Variants in ADAM22 observed in about 807,000 individuals in gnomAD.
The protein encoded by ADAM22 is disintegrin and metalloproteinase domain-containing protein 22.
Under a neutral mutation model 144.6 loss-of-function variants are expected in ADAM22, and 65 were observed. The ratio of observed to expected loss-of-function variants is 0.45; its 90% confidence interval spans 0.37 to 0.55. ADAM22 has a LOEUF of 0.55. Among genes scored for constraint, ADAM22 ranks in the 20% least tolerant of loss-of-function variants. The pLI, the probability that ADAM22 is intolerant of heterozygous loss-of-function variation, is 0.00. For synonymous variants in ADAM22, 391 were observed against 412.6 expected, an observed-to-expected ratio of 0.95 and a Z score of 0.63; for missense variants, 974 against 1,184.9, an observed-to-expected ratio of 0.82 and a Z score of 2.61.
At chr7:88,035,439 G>A (rs1206070566) in intron 3 of ADAM22, among the ~76,000 whole-genome samples, 2 of 152,190 alleles carry the variant, frequency 1.3e-5, no homozygotes, top group Admixed American at 6.5e-5. Flanking sequence ...ATCAGAGTAA[G>A]CAGATAAGGT....
rs2299192 is a variant in ADAM22 at position 87,979,155 on chromosome 7, A to C, written c.323+743A>C. On this transcript the variant is annotated intron_variant, in intron 3 of 31. Transcript: ENST00000413139. ...AATTGGGCTATAGTTTTCTGGAAGC[A>C]TTTCTACAACAGGAAGAAAGTCTGA... 2.6e-5 allele frequency among the ~76,000 whole-genome samples: 4 copies of C among 152,282 alleles called. No homozygotes were observed. The East Asian group carries it at 5.8e-4, about 22-fold the overall frequency.
Position 88,151,309 on chromosome 7 carries a change from T to C in ADAM22, c.1670T>C (p.Ile557Thr), listed in dbSNP as rs1221623567. ...CKTRDRQCKY[I>T]WGQKVTASDK... ...ACCAGAGATAGACAATGCAAATACA[T>C]TTGGGGGCAAAGTAAGTAAATAGTG... Residue 557 changes from isoleucine (I) to threonine (T), a missense_variant, in exon 20 of 32, where the codon ATT becomes ACT. By Grantham distance (89) the Ile-to-Thr change is moderately conservative. Around this residue, in one of 2 missense-constraint regions of ADAM22, gnomAD observed 734 missense variants for 950.6 expected, o/e 0.77. Coordinates refer to ENST00000413139, the MANE Select transcript of ADAM22 (RefSeq NM_001324418.2). 1.2e-6 allele frequency: 2 copies of C among 1,614,102 alleles called. No homozygotes were observed. Among genetic ancestry groups the C allele is most frequent in the Admixed American group, 3.3e-5 (2 of 59,992 alleles).
At chr7:88,046,978 T>A (rs951466140) in intron 3 of ADAM22, among the ~76,000 whole-genome samples, 44 of 152,230 alleles carry the variant, frequency 2.9e-4, no homozygotes, top group African/African-American at 9.9e-4. Context: ...TACGTGGGAA[T>A]ACATCTTGGT....
chr7:87,939,552 C>G (rs1409772369), intron 2 of ADAM22, among the ~76,000 whole-genome samples: 1 of 152,120 alleles, frequency 6.6e-6, no homozygotes, highest in Non-Finnish European at 1.5e-5. Flanking sequence ...AGTAAATGTT[C>G]ACATAATCTT....
chr7:88,044,833 C>T (rs537526392), intron 3 of ADAM22, among the ~76,000 whole-genome samples: 2 of 152,132 alleles, frequency 1.3e-5, no homozygotes, highest in South Asian at 4.1e-4. Flanking sequence ...TCAAGTGATT[C>T]TCCTGCCTCA....
In ADAM22 at chr7:88,201,331, G is replaced by A. The variant is rs535527221; in HGVS notation, c.*4840G>A. 6.6e-6 allele frequency: 1 copy of A among 152,380 alleles called. No individual in the cohort carries two copies. The highest frequency in any genetic ancestry group is 2.4e-5 in the African/African-American group (1 of 41,570). The allele number at this position is 152,380 out of a possible 1,614,324, so 9.4% of individuals were successfully genotyped here. A position where few individuals can be genotyped will look rare whatever the true frequency, so the allele number is the denominator to read the frequency against. On this transcript the variant is annotated 3_prime_UTR_variant, in exon 32 of 32. Coordinates refer to ENST00000413139, the MANE Select transcript of ADAM22 (RefSeq NM_001324418.2). ...CTTATGCAACTTAGGAAGTCACTGG[G>A]AGATGAGTCCTAAAAGCCTGAATTT...
At chr7:88,109,513 G>T (rs1332290398) in intron 5 of ADAM22, among the ~76,000 whole-genome samples, 1 of 151,996 alleles carries the variant, frequency 6.6e-6, no homozygotes, top group Admixed American at 6.6e-5. Context: ...TTTTCGTTGA[G>T]AAACTTTAAA....
chr7:88,040,696 A>C (rs1802920099), intron 3 of ADAM22, among the ~76,000 whole-genome samples: 1 of 151,934 alleles, frequency 6.6e-6, no homozygotes, highest in Non-Finnish European at 1.5e-5. Context: ...TATGTGGTTC[A>C]GGATTTTGTT....
chr7:88,140,908 A>T (rs1011023128), intron 14 of ADAM22, among the ~76,000 whole-genome samples: 10 of 152,174 alleles, frequency 6.6e-5, no homozygotes, highest in Non-Finnish European at 1.5e-4. Flanking sequence ...CTCTGAGAGT[A>T]TTCACTAGAC....
intron 3 of ADAM22, among the ~76,000 whole-genome samples, chr7:88,043,611 G>A (rs1803742197): frequency 6.6e-6 from 1 of 152,042 alleles, no homozygotes; most frequent in African/African-American, 2.4e-5. Context: ...GGGAAGCTGG[G>A]GGATCACTTA....
At position 88,114,598 on chromosome 7, in the gene ADAM22, A is replaced by C; in HGVS notation, c.488A>C (p.Asp163Ala). ...TCHGLHGMFY[D>A]GNHTYLIEPE... ...GTCGTTGGCAGTGGGATGTTCTATG[A>C]CGGGAACCACACATATCTCATTGAG... Residue 163 changes from aspartate (D) to alanine (A), a missense_variant, in exon 6 of 32, where the codon GAC (aspartate) becomes GCC (alanine). This residue lies in a region of ADAM22 where 240 missense variants were observed against 234.3 expected (regional missense o/e 1.02). Coordinates refer to ENST00000413139, the MANE Select transcript of ADAM22 (RefSeq NM_001324418.2). 6.2e-7 allele frequency: 1 copy of C among 1,613,902 alleles called. No individual in the cohort carries two copies. Among genetic ancestry groups the C allele is most frequent in the East Asian group, 2.2e-5 (1 of 44,864 alleles).
intron 12 of ADAM22, 116 bp from the exon 13 acceptor site, chr7:88,134,213 C>G: frequency 1.4e-6 from 1 of 730,836 alleles, no homozygotes; most frequent in Non-Finnish European, 2.2e-6. Context: ...TCAGCCTCTT[C>G]TAAAGAAATT....
At position 88,026,393 on chromosome 7, in the gene ADAM22, T is replaced by C. The variant is rs140411893; in HGVS notation, c.323+47981T>C. Among the ~76,000 whole-genome samples, 481 of 152,286 alleles carry C rather than the reference T, an allele frequency of 3.2e-3. 1 individual carries two copies. Among genetic ancestry groups the C allele is most frequent in the African/African-American group, 0.011 (457 of 41,572 alleles). On this transcript the variant is annotated intron_variant, in intron 3 of 31. Coordinates refer to ENST00000413139, the MANE Select transcript of ADAM22 (RefSeq NM_001324418.2). ...ACAATAACTTATTTACCCACTATCATGAAAACAGGACTGAAGGGGCGGTGC... is the reference window on the plus strand; with the variant it reads ...ACAATAACTTATTTACCCACTATCACGAAAACAGGACTGAAGGGGCGGTGC...
intron 15 of ADAM22, 30 bp from the exon 16 acceptor site, chr7:88,145,095 T>A (rs1586162572): frequency 8.7e-6 from 14 of 1,605,122 alleles, no homozygotes; most frequent in Non-Finnish European, 1.2e-5. Context: ...TTTTTCTATA[T>A]TTTAGTTCAC....
intron 3 of ADAM22, among the ~76,000 whole-genome samples, chr7:88,070,926 G>A (rs1398680165): frequency 1.3e-5 from 2 of 152,076 alleles, no homozygotes; most frequent in Non-Finnish European, 2.9e-5. Flanking sequence ...AGATTTAGAA[G>A]GATCTTCTCA....
chr7:87,957,577 TTTC>T (rs1470377169), intron 2 of ADAM22, among the ~76,000 whole-genome samples: 7 of 152,062 alleles, frequency 4.6e-5, no homozygotes, highest in Non-Finnish European at 8.8e-5. Context: ...TTTGTTTTCT[TTTC>T]TTCTTCTTTT....
At chr7:88,086,641 A>G (rs535670010) in intron 4 of ADAM22, among the ~76,000 whole-genome samples, 2 of 152,342 alleles carry the variant, frequency 1.3e-5, no homozygotes, top group South Asian at 4.1e-4. Context: ...TATGATTGAC[A>G]CGGACTTCTA....
intron 4 of ADAM22, among the ~76,000 whole-genome samples, chr7:88,097,939 G>A (rs979753556): frequency 1.2e-4 from 19 of 152,104 alleles, no homozygotes; most frequent in African/African-American, 4.1e-4. Context: ...TATATATTAT[G>A]TGGTCCACAT....
intron 3 of ADAM22, among the ~76,000 whole-genome samples, chr7:88,054,611 TG>T (rs1308435295): frequency 2.0e-5 from 3 of 151,530 alleles, no homozygotes; most frequent in East Asian, 3.9e-4. Flanking sequence ...TGTGTGTGTG[TG>T]TGTGTGTGTG....
Sources: gnomAD v4.1 joint callset for allele counts (sites outside exome capture counted in the v4.1 genomes callset) on GRCh38, gnomAD v4.1.1 for gene constraint, gnomAD v4.1.1 regional missense constraint, MANE v1.5 for transcripts, NCBI Gene and HGNC (gene_info 2026-07-23, HGNC 2026-07-21) for gene names.